Variants in SLC4A2 observed in about 807,000 individuals in gnomAD.
The protein encoded by SLC4A2 is anion exchange protein 2.
Under a neutral mutation model 115.0 loss-of-function variants are expected in SLC4A2, and 36 were observed. The ratio of observed to expected loss-of-function variants is 0.31; its 90% CI spans 0.24 to 0.41. The LOEUF (loss-of-function observed/expected upper bound fraction) is 0.41. SLC4A2 is among the 10% of genes least tolerant of loss of function. The probability of loss-of-function intolerance (pLI) is 1.00; values close to 1 mark genes in which losing one functional copy is unlikely to be tolerated. For synonymous variants in SLC4A2, 708 were observed against 708.3 expected, an observed-to-expected ratio of 1.00 and a Z score of 0.01; for missense variants, 1,252 against 1,705.6, an observed-to-expected ratio of 0.73 and a Z score of 4.68.
Position 151,074,109 on chromosome 7 carries a change from T to C in SLC4A2, c.2606T>C (p.Met869Thr), listed in dbSNP as rs768233295. 6 of 1,611,484 alleles carry C rather than the reference T, an allele frequency of 3.7e-6. No homozygotes were observed. Among genetic ancestry groups the C allele is most frequent in the South Asian group, 3.3e-5 (3 of 90,952 alleles). ...TCAGAGGTGGACGGCGGTGAGAACA[T>C]GACATGGGCCGGGGCAAGACCCACG... The part of the protein sequence containing the change: ...NSSEVDGGEN[M>T]TWAGARPTLG... Residue 869 changes from methionine to threonine, a missense_variant, in exon 17 of 23, where the codon ATG becomes ACG. Met to Thr is a moderately conservative substitution (Grantham distance 81). This residue lies in a region of SLC4A2 where 55 missense variants were observed against 48.6 expected (regional missense o/e 1.13). Coordinates refer to ENST00000413384, the MANE Select transcript of SLC4A2 (RefSeq NM_003040.4).
Position 151,070,567 on chromosome 7 carries a change from T to G in SLC4A2, c.1560T>G (p.Leu520=). The G allele has an allele frequency of 1.2e-6, 2 of 1,612,388 alleles. No homozygotes were observed. Residue 520 remains leucine (L), a synonymous_variant, in exon 11 of 23, where the codon CTT becomes CTG. Coordinates refer to ENST00000413384, the MANE Select transcript of SLC4A2 (RefSeq NM_003040.4). ...IPENAEATVV[L]VGCVEFLSRP... is the part of the protein sequence containing the mutation. Reference sequence around the variant, plus strand: ...AGAATGCCGAGGCCACGGTGGTCCTTGTGGGTATGTGGGGCAGGTCACATG... The same window carrying G: ...AGAATGCCGAGGCCACGGTGGTCCTGGTGGGTATGTGGGGCAGGTCACATG...
At chr7:151,075,935 C>T (rs781669351) in intron 21 of SLC4A2, 78 bp from the exon 22 acceptor site, 2 of 1,491,498 alleles carry the variant, frequency 1.3e-6, no homozygotes, top group African/African-American at 1.4e-5. Context: ...TCTTCCATCC[C>T]CGCCTCCGAA....
At position 151,071,016 on chromosome 7, in the gene SLC4A2, C is replaced by T. The variant is rs1459414823; in HGVS notation, c.1750-56C>T. 1 of 1,598,780 alleles carries T rather than the reference C, an allele frequency of 6.3e-7. No homozygotes were observed. Among genetic ancestry groups the T allele is most frequent in the Non-Finnish European group, 8.5e-7 (1 of 1,170,244 alleles). The stretch of plus-strand genomic sequence containing the variant: ...CCACTGGCCTTGCCCACCCTCAGCT[C>T]CAGGCCCTCAGCCCTCTTCTTTGTG... On this transcript the variant is annotated intron_variant, in intron 12 of 22. Coordinates refer to ENST00000413384, the MANE Select transcript of SLC4A2 (RefSeq NM_003040.4). The surrounding 1 kb of genome is among the most constrained non-coding windows in gnomAD (Gnocchi z 5.5).
chr7:151,062,724 C>G, intron 2 of SLC4A2: 1 of 1,414,774 alleles, frequency 7.1e-7, no homozygotes, highest in Non-Finnish European at 9.2e-7. Context: ...CTCTCCCCGT[C>G]CCCTCGTCCC....
rs545418034 is a variant in SLC4A2 at position 151,075,904 on chromosome 7, A to C, written c.3472-109A>C. On this transcript the variant is annotated intron_variant, in intron 21 of 22. Transcript: ENST00000413384. The stretch of plus-strand genomic sequence containing the variant: ...CCCCACCTCCTCTCTGTACCAACCC[A>C]GCTCTGGCACCTAGGAATGTTCTTC... The C allele has an allele frequency of 2.1e-6, 3 of 1,428,626 alleles. No individual in the cohort carries two copies. In the South Asian group the frequency reaches 4.0e-5, roughly 19 times the overall value. 88.5% of individuals were successfully genotyped at this position (1,428,626 alleles called of 1,614,324 possible). A position where few individuals can be genotyped will look rare whatever the true frequency, so the allele number is the denominator to read the frequency against.
rs531007948 is a variant in SLC4A2, at chr7:151,071,448, G to A, written c.2034G>A (p.Thr678=). 8 of 1,607,718 alleles carry A rather than the reference G, an allele frequency of 5.0e-6. No individual in the cohort carries two copies. Among genetic ancestry groups the A allele is most frequent in the East Asian group, 2.2e-5 (1 of 44,848 alleles). The change falls in exon 14 of 23, where the codon ACG becomes ACA. Residue 678 remains threonine (T), a synonymous_variant. Transcript: ENST00000413384. This position sits in a 1 kb window ranked among gnomAD's most constrained non-coding sequence, Gnocchi z 5.5. The stretch of plus-strand genomic sequence containing the variant: ...CTGAAGATGATCCCCTTCGGCGGAC[G>A]GGGCGGCCCTTTGGGGGGCTGATCC... ...GAAEDDPLRR[T]GRPFGGLIRD... is the part of the protein sequence containing the mutation.
intron 8 of SLC4A2, among the ~76,000 whole-genome samples, chr7:151,069,153 A>AAAAAAAAAAAAAAAAAAAAAAAAAAAAAC (rs1797341287): frequency 1.4e-5 from 2 of 147,630 alleles, no homozygotes; most frequent in Non-Finnish European, 3.0e-5. Context: ...AAAAAAAAAA[A>AAAAAAAAAAAAAAAAAAAAAAAAAAAAAC]AAAAAAGCAG....
chr7:151,065,804 G>A (rs1427908951), intron 5 of SLC4A2, among the ~76,000 whole-genome samples: 1 of 152,190 alleles, frequency 6.6e-6, no homozygotes. Flanking sequence ...CAGGGCACGT[G>A]GGGGCTAGGA....
Position 151,075,376 on chromosome 7 carries a change from G to T in SLC4A2, c.3169G>T (p.Ala1057Ser), listed in dbSNP as rs1269694428. 2.5e-6 allele frequency: 4 copies of T among 1,611,802 alleles called. No homozygotes were observed. Among genetic ancestry groups the T allele is most frequent in the Non-Finnish European group, 3.4e-6 (4 of 1,180,018 alleles). ...ALFGLPWLAA[A>S]TVRSVTHANA... ...CTTTGGCCTGCCCTGGTTGGCTGCT[G>T]CCACTGTCCGCTCTGTCACTCACGC... Residue 1057 changes from alanine (A) to serine (S), a missense_variant, in exon 20 of 23, where the codon GCC (alanine) becomes TCC (serine). By Grantham distance (99) the Ala-to-Ser change is moderately conservative. Around this residue, in one of 14 missense-constraint regions of SLC4A2, gnomAD observed 253 missense variants for 407.4 expected, o/e 0.62. Coordinates refer to ENST00000413384, the MANE Select transcript of SLC4A2 (RefSeq NM_003040.4).
intron 2 of SLC4A2, chr7:151,063,175 C>T: frequency 1.5e-6 from 2 of 1,375,118 alleles, no homozygotes; most frequent in Middle Eastern, 2.5e-4. Flanking sequence ...GCTCCGCGCC[C>T]GCAGGATGAC....
At chr7:151,064,017 C>G (rs1797141735) in intron 2 of SLC4A2, among the ~76,000 whole-genome samples, 185 bp from the exon 3 acceptor site, 2 of 151,878 alleles carry the variant, frequency 1.3e-5, no homozygotes, top group South Asian at 4.1e-4. Context: ...GTGTGAGCCA[C>G]TGTGCCTGGC....
rs1157063907 is a variant in SLC4A2, at chr7:151,072,013, C to A, written c.2412C>A (p.Ala804=). Residue 804 remains alanine, a synonymous_variant, in exon 16 of 23, where the codon GCC becomes GCA. Transcript: ENST00000413384. ...TCGGCTTCTGGCTGGTGTTCCTGGC[C>A]CTGCTCATGGTGGCCCTGGAGGGGA... ...VWIGFWLVFL[A]LLMVALEGSF... 1 of 1,613,536 alleles carries A rather than the reference C, an allele frequency of 6.2e-7. No homozygotes were observed. Among genetic ancestry groups the A allele is most frequent in the South Asian group, 1.1e-5 (1 of 91,022 alleles).
At position 151,074,713 on chromosome 7, in the gene SLC4A2, A is replaced by G. The variant is rs1163577663; in HGVS notation, c.2919A>G (p.Pro973=). 1 of 1,607,806 alleles carries G rather than the reference A, an allele frequency of 6.2e-7. No homozygotes were observed. The highest frequency in any genetic ancestry group is 1.3e-5 in the African/African-American group (1 of 74,234). Residue 973 remains proline (P), a synonymous_variant, in exon 19 of 23, where the codon CCA becomes CCG. Transcript: ENST00000413384. ...CCAGTGGATTCTCGGTGACTGCCCC[A>G]GAAAAGAGGGGCTGGGTCATCAACC... ...SVPSGFSVTA[P]EKRGWVINPL... is the part of the protein sequence containing the mutation.
In SLC4A2 at chr7:151,071,836, C is replaced by A. The variant is rs145359923; in HGVS notation, c.2339C>A (p.Ser780Ter). The change falls in exon 15 of 23, where the codon TCG (serine) becomes TAG (stop). Residue 780 changes from serine (S) to a stop codon, truncating the protein, a stop_gained and splice_region_variant. Transcript: ENST00000413384. LOFTEE classifies it high-confidence loss of function. The surrounding 1 kb of genome is among the most constrained non-coding windows in gnomAD (Gnocchi z 5.5). ...CTGGTCTTTGAGGAGGCCTTCTTCT[C>A]GGTGAGGGCTCTTCTCGCCCATCTC... Reference protein sequence around the residue: ...PLLVFEEAFFSFCSSNHLEYL... With the variant: ...PLLVFEEAFF 6.2e-7 allele frequency: 1 copy of A among 1,600,436 alleles called. No homozygotes were observed. The highest frequency in any genetic ancestry group is 8.5e-7 in the Non-Finnish European group (1 of 1,174,986).
At chr7:151,063,110 TG>T in intron 2 of SLC4A2, 1 of 1,423,712 alleles carries the variant, frequency 7.0e-7, no homozygotes, top group East Asian at 3.3e-5. Flanking sequence ...GCCGCTTAGC[TG>T]GGCTGAGCTC....
chr7:151,075,782 C>T lies in SLC4A2; in HGVS notation c.3471+7C>T, dbSNP rs2150379732. On this transcript the variant is annotated splice_region_variant and intron_variant, in intron 21 of 22. Transcript: ENST00000413384. Reference sequence around the variant, plus strand: ...TGTCACTTACGTCAAGAAGGTGAGCCCCCCAGCTCCCCACCGGAAGGGGTG... The same window carrying T: ...TGTCACTTACGTCAAGAAGGTGAGCTCCCCAGCTCCCCACCGGAAGGGGTG... 6.3e-7 allele frequency: 1 copy of T among 1,596,652 alleles called. No homozygotes were observed. Among genetic ancestry groups the T allele is most frequent in the Admixed American group, 1.7e-5 (1 of 59,212 alleles).
At chr7:151,067,332 C>T (rs142180545) in intron 7 of SLC4A2, among the ~76,000 whole-genome samples, 2,045 of 152,266 alleles carry the variant, frequency 0.013, 39 homozygotes, top group African/African-American at 0.046. Flanking sequence ...GGAATCCGCC[C>T]GCCTCGGCCT....
At position 151,071,074 on chromosome 7, in the gene SLC4A2, A is replaced by G. The variant is rs770674694; in HGVS notation, c.1752A>G (p.Gln584=). 6.2e-7 allele frequency: 1 copy of G among 1,612,488 alleles called. No individual in the cohort carries two copies. Among genetic ancestry groups the G allele is most frequent in the Non-Finnish European group, 8.5e-7 (1 of 1,179,956 alleles). The change falls in exon 13 of 23, where the codon CAA becomes CAG. Residue 584 remains glutamine (Q), a splice_region_variant and synonymous_variant. Transcript: ENST00000413384. This position sits in a 1 kb window ranked among gnomAD's most constrained non-coding sequence, Gnocchi z 5.5. ...CCATCCCCATGCTGCTTTGGCAGCA[A>G]TTCCACGAGGCAGCCTACCTGGCTG... ...RSISTLMSDK[Q]FHEAAYLADE...
At position 151,060,521 on chromosome 7, in the gene SLC4A2, G is replaced by C. The variant is rs1465482619; in HGVS notation, c.-64+759G>C. 2.0e-5 allele frequency among the ~76,000 whole-genome samples: 3 copies of C among 152,196 alleles called. No homozygotes were observed. Among genetic ancestry groups the C allele is most frequent in the Non-Finnish European group, 4.4e-5 (3 of 68,032 alleles). ...TCTGGGCCGGTCGGGGCTGGTCCCGGGAATGTGCCCCTACCCGGATTATCG... is the reference window on the plus strand; with the variant it reads ...TCTGGGCCGGTCGGGGCTGGTCCCGCGAATGTGCCCCTACCCGGATTATCG... On this transcript the variant is annotated intron_variant, in intron 1 of 22. Transcript: ENST00000413384. The surrounding 1 kb of genome is among the most constrained non-coding windows in gnomAD (Gnocchi z 5.9).
Sources: allele counts gnomAD v4.1 joint callset (sites outside exome capture counted in the v4.1 genomes callset), GRCh38; gene constraint gnomAD v4.1.1; regional missense constraint gnomAD v4.1.1; non-coding constraint Gnocchi (gnomAD v3.1); transcripts MANE v1.5; gene names NCBI Gene and HGNC (gene_info 2026-07-23, HGNC 2026-07-21).